Variants in HMGXB4 observed in about 807,000 individuals in gnomAD.
HMGXB4 encodes the protein HMG-box containing 4, also known as HMG domain-containing protein 4.
Under a neutral mutation model 63.9 loss-of-function variants are expected in HMGXB4, and 27 were observed. The ratio of observed to expected loss-of-function variants is 0.42; its 90% CI spans 0.31 to 0.58. HMGXB4 has a LOEUF of 0.58. Among genes scored for constraint, HMGXB4 ranks in the 20% least tolerant of loss-of-function variants. HMGXB4 has a pLI of 0.13. For missense variants in HMGXB4, 624 were observed against 700.7 expected (o/e 0.89, Z 1.24); for synonymous variants, 264 against 265.3 (o/e 0.99, Z 0.05).
intron 5 of HMGXB4, among the ~76,000 whole-genome samples, chr22:35,281,063 T>C (rs1315959941): frequency 6.6e-6 from 1 of 152,240 alleles, no homozygotes; most frequent in African/African-American, 2.4e-5. Flanking sequence ...TCAGTAAATA[T>C]TATTAATAAA....
chr22:35,259,291 GACAA>G (rs1269122221), intron 1 of HMGXB4, among the ~76,000 whole-genome samples: 9 of 152,284 alleles, frequency 5.9e-5, no homozygotes, highest in African/African-American at 1.9e-4. Flanking sequence ...AGCACACTGA[GACAA>G]ACAAAATTAT....
At chr22:35,269,588 TAG>T (rs775657770) in intron 5 of HMGXB4, among the ~76,000 whole-genome samples, 10 of 152,194 alleles carry the variant, frequency 6.6e-5, no homozygotes, top group African/African-American at 9.6e-5. Flanking sequence ...GAGCAAATTG[TAG>T]AGAATCTTAA....
At chr22:35,263,304 T>TG in intron 3 of HMGXB4, 78 bp downstream of exon 3, 2 of 1,228,998 alleles carry the variant, frequency 1.6e-6, no homozygotes, top group Non-Finnish European at 2.3e-6. Flanking sequence ...TTTTTTGTTT[T>TG]TTTTTTTTTT....
chr22:35,269,056 G>A (rs368207579), intron 5 of HMGXB4, among the ~76,000 whole-genome samples: 1 of 152,208 alleles, frequency 6.6e-6, no homozygotes, highest in East Asian at 1.9e-4. Flanking sequence ...CCTTATTAAA[G>A]ACTATAAGGG....
chr22:35,241,703 C>A, the HMGXB4 span, among the ~76,000 whole-genome samples: 1 of 152,250 alleles, frequency 6.6e-6, no homozygotes, highest in Non-Finnish European at 1.5e-5. Context: ...AGCTTCTCCA[C>A]TGGGGGCGTG....
chr22:35,277,754 T>C (rs1923998691), intron 5 of HMGXB4, among the ~76,000 whole-genome samples: 1 of 152,094 alleles, frequency 6.6e-6, no homozygotes, highest in South Asian at 2.1e-4. Context: ...AGTACAGAGG[T>C]AACCCATATA....
chr22:35,259,386 C>T (rs539042972), intron 1 of HMGXB4, among the ~76,000 whole-genome samples: 16 of 152,310 alleles, frequency 1.1e-4, no homozygotes, highest in African/African-American at 3.9e-4. Flanking sequence ...ACACCTGTTT[C>T]ACATTTGCCA....
intron 9 of HMGXB4, among the ~76,000 whole-genome samples, chr22:35,291,643 T>C (rs890510549): frequency 2.6e-5 from 4 of 152,210 alleles, no homozygotes; most frequent in African/African-American, 9.6e-5. Context: ...CTTCCCTGTA[T>C]ACTAATGTTT....
intron 5 of HMGXB4, 130 bp from the exon 6 acceptor site, chr22:35,283,832 T>C (rs1924409771): frequency 1.6e-6 from 1 of 608,440 alleles, no homozygotes; most frequent in African/African-American, 1.8e-5. Context: ...GGAAAGCTGG[T>C]TAGTAGTTTG....
chr22:35,248,736 G>A, the HMGXB4 span, among the ~76,000 whole-genome samples: 2 of 152,168 alleles, frequency 1.3e-5, no homozygotes, highest in African/African-American at 2.4e-5. Flanking sequence ...CAGATCTCTA[G>A]TGAACCAGCT....
At chr22:35,271,126 G>A (rs1454389361) in intron 5 of HMGXB4, among the ~76,000 whole-genome samples, 1 of 151,840 alleles carries the variant, frequency 6.6e-6, no homozygotes, top group African/African-American at 2.4e-5. Context: ...GCCAGGCATG[G>A]TGGCAAGCAC....
chr22:35,267,048 T>C (rs1290341830), intron 5 of HMGXB4, among the ~76,000 whole-genome samples: 1 of 151,912 alleles, frequency 6.6e-6, no homozygotes, highest in Non-Finnish European at 1.5e-5. Context: ...GTGGAAGTTA[T>C]TTCTCCACTA....
At chr22:35,245,777 A>AG in the HMGXB4 span, among the ~76,000 whole-genome samples, 1 of 152,104 alleles carries the variant, frequency 6.6e-6, no homozygotes, top group Non-Finnish European at 1.5e-5. Flanking sequence ...TTGACACCAG[A>AG]GGGGGGTTCC....
intron 9 of HMGXB4, among the ~76,000 whole-genome samples, chr22:35,290,986 G>A (rs1688235386): frequency 1.3e-5 from 2 of 152,164 alleles, no homozygotes; most frequent in South Asian, 2.1e-4. Flanking sequence ...GCTAGAGGCC[G>A]AGCACTGTTG....
In HMGXB4 at chr22:35,263,163, T is replaced by C; in HGVS notation, c.117T>C (p.Asp39=). The part of the protein sequence containing the change: ...SQREKKRSYK[D]FLREEEEIAA... ...GAGAGAAAAAACGTTCTTACAAAGATTTTTTAAGGGAAGAGGAAGAAATTG... is the reference window on the plus strand; with the variant it reads ...GAGAGAAAAAACGTTCTTACAAAGACTTTTTAAGGGAAGAGGAAGAAATTG... The change falls in exon 3 of 11, where the codon GAT becomes GAC. Residue 39 remains aspartate, a synonymous_variant. Coordinates refer to ENST00000216106, the MANE Select transcript of HMGXB4 (RefSeq NM_001003681.3). 1.2e-6 allele frequency: 2 copies of C among 1,613,968 alleles called. No homozygotes were observed. The highest frequency in any genetic ancestry group is 1.7e-6 in the Non-Finnish European group (2 of 1,179,898).
intron 5 of HMGXB4, among the ~76,000 whole-genome samples, chr22:35,278,815 A>ATT (rs1924060437): frequency 6.9e-6 from 1 of 145,582 alleles, no homozygotes; most frequent in Admixed American, 7.1e-5. Flanking sequence ...CACCCAGCTA[A>ATT]TTTTTTAATT....
At chr22:35,253,144 A>AAGAAAAAG (rs1555886255), upstream of HMGXB4, among the ~76,000 whole-genome samples, 49 of 125,316 alleles carry the variant, frequency 3.9e-4, no homozygotes, top group Non-Finnish European at 7.6e-4. Context: ...AAAAAAAAAA[A>AAGAAAAAG]AAAAAAGAAA....
the HMGXB4 span, among the ~76,000 whole-genome samples, chr22:35,249,042 A>G: frequency 6.6e-6 from 1 of 152,164 alleles, no homozygotes; most frequent in Non-Finnish European, 1.5e-5. Context: ...AGGCTATGCT[A>G]AATTTATTTT....
intron 7 of HMGXB4, among the ~76,000 whole-genome samples, chr22:35,286,466 A>G (rs993186576): frequency 1.3e-5 from 2 of 152,254 alleles, no homozygotes; most frequent in South Asian, 4.1e-4. Context: ...GAATGTGATT[A>G]CTAGGTAACC....
Sources: gnomAD v4.1 joint callset for allele counts (sites outside exome capture counted in the v4.1 genomes callset) on GRCh38, gnomAD v4.1.1 for gene constraint, MANE v1.5 for transcripts, NCBI Gene and HGNC (gene_info 2026-07-23, HGNC 2026-07-21) for gene names.